The following USP37 variants were observed in gnomAD, a reference collection of about 807,000 sequenced individuals.
USP37 encodes the protein ubiquitin specific peptidase 37.
USP37 carries 27 observed loss-of-function variants against 124.0 expected under a neutral mutation model. The ratio of observed to expected loss-of-function variants is 0.22; its 90% CI spans 0.16 to 0.30. The LOEUF (loss-of-function observed/expected upper bound fraction) is 0.30, where lower values mean the gene tolerates loss of function less well. USP37 is among the 10% of genes least tolerant of loss of function. USP37 has a pLI of 1.00. For synonymous variants in USP37, 365 were observed against 388.0 expected (o/e 0.94, Z 0.70); for missense variants, 889 against 1,140.4 (o/e 0.78, Z 3.17).
intron 8 of USP37, among the ~76,000 whole-genome samples, chr2:218,543,658 A>T (rs1003656921): frequency 1.3e-5 from 2 of 151,890 alleles, no homozygotes; most frequent in Non-Finnish European, 1.5e-5. Context: ...TAAAAATACA[A>T]AAAATAAATT....
rs1689487170 is a variant in USP37 at position 218,451,777 on chromosome 2, G to A, written c.*3153C>T. 6.6e-6 allele frequency: 1 copy of A among 152,592 alleles called. No homozygotes were observed. Among genetic ancestry groups the A allele is most frequent in the Non-Finnish European group, 1.5e-5 (1 of 68,024 alleles). 9.5% of individuals were successfully genotyped at this position (152,592 alleles called of 1,614,324 possible). On this transcript the variant is annotated 3_prime_UTR_variant, in exon 26 of 26. Coordinates refer to ENST00000258399, the MANE Select transcript of USP37 (RefSeq NM_020935.3). Reference sequence around the variant, plus strand: ...AATTAACTGATCTGTAAGAACCACTGCATATGTCTTAAAATGTAAACATAT... The same window carrying A: ...AATTAACTGATCTGTAAGAACCACTACATATGTCTTAAAATGTAAACATAT...
chr2:218,501,903 G>A (rs1689408256), intron 11 of USP37, among the ~76,000 whole-genome samples: 1 of 152,130 alleles, frequency 6.6e-6, no homozygotes, highest in Non-Finnish European at 1.5e-5. Context: ...GTTTACTATG[G>A]AGCTACTGGC....
intron 11 of USP37, 106 bp downstream of exon 11, chr2:218,509,873 A>G (rs1423282022): frequency 1.9e-5 from 21 of 1,099,148 alleles, no homozygotes; most frequent in Non-Finnish European, 2.3e-5. Context: ...TAATTTCTAA[A>G]TATTTTAGAA....
At position 218,474,624 on chromosome 2, in the gene USP37, A is replaced by G; in HGVS notation, c.2299+6T>C. On this transcript the variant is annotated splice_donor_region_variant and intron_variant, in intron 20 of 25. Coordinates refer to ENST00000258399, the MANE Select transcript of USP37 (RefSeq NM_020935.3). ...TTCACAGAGGTTTAATCTTCATTAA[A>G]CCTACCCAGCTCTGTGATTGTTTTG... 7.4e-6 allele frequency: 12 copies of G among 1,613,350 alleles called. No individual in the cohort carries two copies. Among genetic ancestry groups the G allele is most frequent in the Non-Finnish European group, 9.3e-6 (11 of 1,179,800 alleles).
intron 9 of USP37, among the ~76,000 whole-genome samples, chr2:218,533,827 G>A (rs1275684267): frequency 1.3e-5 from 2 of 152,104 alleles, no homozygotes; most frequent in Middle Eastern, 3.2e-3. Flanking sequence ...ACCAGATAAC[G>A]GACTCTCTAA....
At position 218,554,897 on chromosome 2, in the gene USP37, A is replaced by C. The variant is rs561378454; in HGVS notation, c.157-1173T>G. ...TCAAAAGAATTCCAAACTTTCAAAA[A>C]CCATCAAAAATAAACCTTTACCAAT... On this transcript the variant is annotated intron_variant, in intron 4 of 25. Transcript: ENST00000258399. 3.2e-3 allele frequency among the ~76,000 whole-genome samples: 490 copies of C among 152,316 alleles called. 1 individual carries two copies. Among genetic ancestry groups the C allele is most frequent in the African/African-American group, 0.011 (471 of 41,574 alleles).
chr2:218,471,647 C>T (rs930177458), intron 20 of USP37, among the ~76,000 whole-genome samples: 1 of 152,166 alleles, frequency 6.6e-6, no homozygotes, highest in African/African-American at 2.4e-5. Flanking sequence ...GCAAATGGTA[C>T]CATTATCTAT....
chr2:218,544,424 T>TAGAG (rs763870747), intron 8 of USP37, among the ~76,000 whole-genome samples: 2,540 of 56,882 alleles, frequency 0.045, 49 homozygotes, highest in Non-Finnish European at 0.058. Flanking sequence ...TATATATATA[T>TAGAG]ATATATAGAG....
chr2:218,564,534 T>C (rs1693480531), intron 1 of USP37, among the ~76,000 whole-genome samples: 1 of 152,180 alleles, frequency 6.6e-6, no homozygotes, highest in African/African-American at 2.4e-5. Flanking sequence ...CTCTTGGGGT[T>C]TTACCTCCAA....
rs1689743548 is a variant in USP37, at chr2:218,457,154, T to C, written c.2651A>G (p.Asn884Ser). 1 of 1,613,634 alleles carries C rather than the reference T, an allele frequency of 6.2e-7. No individual in the cohort carries two copies. Among genetic ancestry groups the C allele is most frequent in the African/African-American group, 1.3e-5 (1 of 74,912 alleles). ...EELKRNAETG[N>S]LPHSYRLISV... ...GATGAGCCGGTACGAATGAGGCAGA[T>C]TTCCTGTCTGGAAAACAGAAGTGGG... is the stretch of plus-strand genomic sequence containing the variant. Residue 884 changes from asparagine to serine, a missense_variant, in exon 24 of 26, where the codon AAT (asparagine) becomes AGT (serine). By Grantham distance (46) the Asn-to-Ser change is conservative (BLOSUM62 1). Transcript: ENST00000258399.
chr2:218,496,940 C>T (rs1021615219), intron 13 of USP37, among the ~76,000 whole-genome samples: 4 of 152,000 alleles, frequency 2.6e-5, no homozygotes, highest in African/African-American at 7.3e-5. Flanking sequence ...CATGAGCTAC[C>T]GCACCCAGCC....
At chr2:218,560,160 C>T (rs547040722) in intron 3 of USP37, among the ~76,000 whole-genome samples, 5 of 152,124 alleles carry the variant, frequency 3.3e-5, no homozygotes, top group African/African-American at 1.2e-4. Context: ...TTTAAAATTG[C>T]GAACTCAAAT....
intron 25 of USP37, 115 bp from the exon 26 acceptor site, chr2:218,455,132 T>C: frequency 8.3e-7 from 1 of 1,205,916 alleles, no homozygotes; most frequent in African/African-American, 1.5e-5. Flanking sequence ...CAATTCCATT[T>C]CATGCCTGTA....
chr2:218,525,228 C>T (rs867055089), intron 10 of USP37, among the ~76,000 whole-genome samples: 26 of 152,326 alleles, frequency 1.7e-4, no homozygotes, highest in Middle Eastern at 6.8e-3. Flanking sequence ...TGCCTGTAAT[C>T]CCAGCACTTT....
chr2:218,558,382 G>A (rs890571243), intron 4 of USP37, 116 bp downstream of exon 4: 2 of 925,474 alleles, frequency 2.2e-6, no homozygotes, highest in South Asian at 5.1e-5. Flanking sequence ...CTAGAAATAA[G>A]AAGCAAGAAA....
At chr2:218,556,020 T>C (rs1041475755) in intron 4 of USP37, among the ~76,000 whole-genome samples, 1 of 152,180 alleles carries the variant, frequency 6.6e-6, no homozygotes, top group African/African-American at 2.4e-5. Context: ...TAACCTCCTA[T>C]ATGTCCTTCT....
rs1377965789 is a variant in USP37 at position 218,509,972 on chromosome 2, G to A, written c.1025+7C>T. ...AAAAAGAAAGTAAAATGAAAGAATT[G>A]ACCTACCCCTGCAGTTGCTGCTGTT... On this transcript the variant is annotated splice_region_variant and intron_variant, in intron 11 of 25. Transcript: ENST00000258399. The A allele has an allele frequency of 1.3e-6, 2 of 1,531,582 alleles. No individual in the cohort carries two copies. Among genetic ancestry groups the A allele is most frequent in the South Asian group, 2.6e-5 (2 of 76,324 alleles). 94.9% of individuals were successfully genotyped at this position (1,531,582 alleles called of 1,614,324 possible).
chr2:218,532,466 CAAAA>C (rs35277725), intron 9 of USP37, among the ~76,000 whole-genome samples: 8 of 115,394 alleles, frequency 6.9e-5, no homozygotes, highest in Admixed American at 1.8e-4. Flanking sequence ...GACTCTGTCT[CAAAA>C]AAAAAAAAAA....
intron 20 of USP37, among the ~76,000 whole-genome samples, chr2:218,471,823 C>T (rs954498109): frequency 2.6e-5 from 4 of 151,750 alleles, no homozygotes; most frequent in South Asian, 4.2e-4. Context: ...GTCAGGAGTT[C>T]GAGACCAGCC....
Sources: gnomAD v4.1 joint callset for allele counts (sites outside exome capture counted in the v4.1 genomes callset) on GRCh38, gnomAD v4.1.1 for gene constraint, MANE v1.5 for transcripts, NCBI Gene and HGNC (gene_info 2026-07-23, HGNC 2026-07-21) for gene names.